Variants in DPYSL5 observed in about 807,000 individuals in gnomAD.
DPYSL5 encodes the protein dihydropyrimidinase-related protein 5.
Under a neutral mutation model 58.4 loss-of-function variants are expected in DPYSL5, and 9 were observed. The ratio of observed to expected loss-of-function variants is 0.15; its 90% CI spans 0.09 to 0.27. DPYSL5 has a LOEUF of 0.27. Among genes scored for constraint, DPYSL5 ranks in the 10% least tolerant of loss-of-function variants. The probability of loss-of-function intolerance (pLI) is 1.00; values close to 1 mark genes in which losing one functional copy is unlikely to be tolerated. For synonymous variants in DPYSL5, 293 were observed against 301.9 expected (o/e 0.97, Z 0.31); for missense variants, 499 against 770.6 (o/e 0.65, Z 4.17).
chr2:26,930,241 GAC>G (rs1664936926), intron 5 of DPYSL5, among the ~76,000 whole-genome samples: 2 of 152,100 alleles, frequency 1.3e-5, no homozygotes, highest in East Asian at 1.9e-4. Context: ...GCAAGGGGTG[GAC>G]ACACACACTA....
chr2:26,945,304 C>CTTT (rs71401543), intron 12 of DPYSL5, among the ~76,000 whole-genome samples: 1,464 of 140,890 alleles, frequency 0.01, 33 homozygotes, highest in East Asian at 0.071. Flanking sequence ...CCTTCACCTT[C>CTTT]TTTTTTTTTT....
At chr2:26,864,845 C>A (rs1192033114) in intron 1 of DPYSL5, among the ~76,000 whole-genome samples, 1 of 152,110 alleles carries the variant, frequency 6.6e-6, no homozygotes, top group African/African-American at 2.4e-5. Context: ...CATCCGTACT[C>A]CCCTGTTTCC....
At chr2:26,911,718 A>G (rs910758047) in intron 2 of DPYSL5, among the ~76,000 whole-genome samples, 1 of 152,156 alleles carries the variant, frequency 6.6e-6, no homozygotes, top group Non-Finnish European at 1.5e-5. Flanking sequence ...CCACTGAACC[A>G]TCGCCCCTCT....
rs547382745 is a variant in DPYSL5, at chr2:26,853,340, T to A, written c.-5+5086T>A. 7.2e-5 allele frequency among the ~76,000 whole-genome samples: 11 copies of A among 152,304 alleles called. No individual in the cohort carries two copies. The South Asian group carries it at 2.3e-3, about 32-fold the overall frequency. ...ATAAAGAAAACTCAGGTTTTCCAGC[T>A]AAGAAATACAGAATTTTGTGCAACT... On this transcript the variant is annotated intron_variant, in intron 1 of 12. Transcript: ENST00000288699.
intron 1 of DPYSL5, among the ~76,000 whole-genome samples, chr2:26,858,860 C>T (rs1016168039): frequency 2.5e-4 from 38 of 152,196 alleles, no homozygotes; most frequent in African/African-American, 9.2e-4. Flanking sequence ...AGACATCCAC[C>T]ACCACACCTG....
chr2:26,900,437 A>G (rs1040735979), intron 2 of DPYSL5, among the ~76,000 whole-genome samples: 4 of 152,224 alleles, frequency 2.6e-5, no homozygotes, highest in Non-Finnish European at 5.9e-5. Flanking sequence ...ATTGCTTAAT[A>G]CTATTCCACT....
rs114695059 is a variant in DPYSL5, at chr2:26,893,621, G to A, written c.-4-4875G>A. Among the ~76,000 whole-genome samples the A allele has an allele frequency of 6.0e-3, 919 of 152,262 alleles. 8 individuals carry two copies. Among genetic ancestry groups the A allele is most frequent in the African/African-American group, 0.021 (871 of 41,522 alleles). ...TGTTAGAGTGCAACAAGTAGATGGGGCTATTTATTCGTTTATTCACCAGTT... is the reference window on the plus strand; with the variant it reads ...TGTTAGAGTGCAACAAGTAGATGGGACTATTTATTCGTTTATTCACCAGTT... On this transcript the variant is annotated intron_variant, in intron 1 of 12. Coordinates refer to ENST00000288699, the MANE Select transcript of DPYSL5 (RefSeq NM_020134.4).
At chr2:26,896,271 T>C (rs143126037) in intron 1 of DPYSL5, among the ~76,000 whole-genome samples, 2 of 152,302 alleles carry the variant, frequency 1.3e-5, no homozygotes, top group East Asian at 3.9e-4. Context: ...ATACATCTTT[T>C]TCATCCATTC....
Position 26,934,488 on chromosome 2 carries a change from G to A in DPYSL5, c.791-90G>A. The A allele has an allele frequency of 2.7e-6, 4 of 1,490,642 alleles. No individual in the cohort carries two copies. Among genetic ancestry groups the A allele is most frequent in the Non-Finnish European group, 3.6e-6 (4 of 1,106,280 alleles). The allele number at this position is 1,490,642 out of a possible 1,614,324, so 92.3% of individuals were successfully genotyped here. On this transcript the variant is annotated intron_variant, in intron 7 of 12. Transcript: ENST00000288699. This position sits in a 1 kb window ranked among gnomAD's most constrained non-coding sequence, Gnocchi z 4.3. ...AGGTCCCTTCCTGTCTCTGACCTCA[G>A]CTCCTTCACCTGTAAAATGAGAGGC...
At position 26,877,158 on chromosome 2, in the gene DPYSL5, G is replaced by A. The variant is rs1663434294; in HGVS notation, c.-4-21338G>A. On this transcript the variant is annotated intron_variant, in intron 1 of 12. Transcript: ENST00000288699. This position sits in a 1 kb window ranked among gnomAD's most constrained non-coding sequence, Gnocchi z 4.1. ...ATTTTTGTATTTTTAGTAGAAACGG[G>A]GTTTCACCATGTTGGCCAGGCTGGC... Among the ~76,000 whole-genome samples, 1 of 151,010 alleles carries A rather than the reference G, an allele frequency of 6.6e-6. No homozygotes were observed. The highest frequency in any genetic ancestry group is 2.1e-4 in the South Asian group (1 of 4,762).
chr2:26,930,677 A>G (rs1295226469), intron 5 of DPYSL5, among the ~76,000 whole-genome samples: 1 of 152,074 alleles, frequency 6.6e-6, no homozygotes, highest in African/African-American at 2.4e-5. Context: ...AACTTTTTAA[A>G]AATTAGCCAA....
chr2:26,859,274 C>T (rs1309782316), intron 1 of DPYSL5, among the ~76,000 whole-genome samples: 1 of 151,704 alleles, frequency 6.6e-6, no homozygotes, highest in Non-Finnish European at 1.5e-5. Flanking sequence ...CACAAAAATC[C>T]TCATTCGTAT....
At chr2:26,935,839 C>T (rs541742920) in intron 8 of DPYSL5, among the ~76,000 whole-genome samples, 16 of 152,256 alleles carry the variant, frequency 1.1e-4, no homozygotes, top group East Asian at 3.9e-4. Flanking sequence ...GGACAAAAGG[C>T]GAGGGGATTC....
rs201507466 is a variant in DPYSL5 at position 26,942,449 on chromosome 2, TAAC to T, written c.1233-90_1233-88del. The T allele has an allele frequency of 0.015, 20,659 of 1,413,310 alleles. 198 individuals carry two copies. The highest frequency in any genetic ancestry group is 0.017 in the Non-Finnish European group (17,981 of 1,033,344). The allele number at this position is 1,413,310 out of a possible 1,614,324, so 87.5% of individuals were successfully genotyped here. ...TTTTGAAGGGAGCCAATTCAACCCA[TAAC>T]AACCAGCCTTTGGGGCTCACCCCTC... On this transcript the variant is annotated intron_variant, in intron 10 of 12. Coordinates refer to ENST00000288699, the MANE Select transcript of DPYSL5 (RefSeq NM_020134.4). This position sits in a 1 kb window ranked among gnomAD's most constrained non-coding sequence, Gnocchi z 5.9.
chr2:26,947,093 C>T lies in DPYSL5; in HGVS notation c.*98C>T, dbSNP rs1665509660. 1 of 1,103,124 alleles carries T rather than the reference C, an allele frequency of 9.1e-7. No individual in the cohort carries two copies. The highest frequency in any genetic ancestry group is 1.3e-6 in the Non-Finnish European group (1 of 751,002). 68.3% of individuals were successfully genotyped at this position (1,103,124 alleles called of 1,614,324 possible). On this transcript the variant is annotated 3_prime_UTR_variant, in exon 13 of 13. Coordinates refer to ENST00000288699, the MANE Select transcript of DPYSL5 (RefSeq NM_020134.4). The surrounding 1 kb of genome is among the most constrained non-coding windows in gnomAD (Gnocchi z 4.2). The stretch of plus-strand genomic sequence containing the variant: ...GGGCAGGAGAGGCTGGGCTGGGTGG[C>T]ACACCACCCGAGGGGGGCCCCGGGA...
chr2:26,944,275 ACT>A lies in DPYSL5; in HGVS notation c.1441-378_1441-377del, dbSNP rs773283049. On this transcript the variant is annotated intron_variant, in intron 11 of 12. Transcript: ENST00000288699. This position sits in a 1 kb window ranked among gnomAD's most constrained non-coding sequence, Gnocchi z 4.4. Reference sequence around the variant, plus strand: ...ACTCCAGCATGGGCGACAGAGTGAGACTCTGTCTCAAAAAAAAGAAAAGAAAA... The same window carrying A: ...ACTCCAGCATGGGCGACAGAGTGAGACTGTCTCAAAAAAAAGAAAAGAAAA... Among the ~76,000 whole-genome samples, 92 of 151,978 alleles carry A rather than the reference ACT, an allele frequency of 6.1e-4. No homozygotes were observed. Among genetic ancestry groups the A allele is most frequent in the Middle Eastern group, 6.8e-3 (2 of 294 alleles).
intron 2 of DPYSL5, among the ~76,000 whole-genome samples, chr2:26,909,628 A>G (rs1664380665): frequency 6.6e-6 from 1 of 152,082 alleles, no homozygotes; most frequent in Non-Finnish European, 1.5e-5. Flanking sequence ...TTAGCCAAGC[A>G]TGATGGTGTG....
chr2:26,900,592 A>G (rs1034818927), intron 2 of DPYSL5, among the ~76,000 whole-genome samples: 2 of 152,216 alleles, frequency 1.3e-5, no homozygotes, highest in Non-Finnish European at 2.9e-5. Flanking sequence ...TGTTGGGCAC[A>G]TACTCCCGGG....
rs540258460 is a variant in DPYSL5 at position 26,940,518 on chromosome 2, C to CT, written c.1089+352dup. Among the ~76,000 whole-genome samples, 809 of 84,734 alleles carry CT rather than the reference C, an allele frequency of 9.5e-3. 11 individuals carry two copies. The highest frequency in any genetic ancestry group is 0.016 in the Non-Finnish European group (643 of 40,272). 55.6% of individuals were successfully genotyped at this position (84,734 alleles called of 152,430 possible). ...TACTGTACTTTTTTTTTTTTTTTTC[C>CT]TTTTTTACTATGTTGTCCAGACAGG... On this transcript the variant is annotated intron_variant, in intron 9 of 12. Coordinates refer to ENST00000288699, the MANE Select transcript of DPYSL5 (RefSeq NM_020134.4).
Sources: gnomAD v4.1 joint callset for allele counts (sites outside exome capture counted in the v4.1 genomes callset) on GRCh38, gnomAD v4.1.1 for gene constraint, Gnocchi (gnomAD v3.1) non-coding constraint, MANE v1.5 for transcripts, NCBI Gene and HGNC (gene_info 2026-07-23, HGNC 2026-07-21) for gene names.